ZCCHC24: variants seen among roughly 807,000 people sequenced by gnomAD.
ZCCHC24 encodes zinc finger CCHC domain-containing protein 24.
In ZCCHC24, 10 loss-of-function variants were observed where a neutral mutation model predicts 26.2. The observed-to-expected ratio is 0.38, with a 90% CI of 0.24 to 0.65. The LOEUF is 0.65. Ranked by LOEUF, ZCCHC24 falls within the 30% of genes least tolerant of loss-of-function variation. ZCCHC24 has a pLI of 0.54. For missense variants in ZCCHC24, 243 were observed against 329.1 expected (o/e 0.74, Z 2.03); for synonymous variants, 144 against 147.1 (o/e 0.98, Z 0.15).
At chr10:79,420,990 C>T (rs944681323) in intron 2 of ZCCHC24, among the ~76,000 whole-genome samples, 8 of 152,160 alleles carry the variant, frequency 5.3e-5, no homozygotes, top group African/African-American at 1.9e-4. Context: ...CCCAAAGGCA[C>T]ATAGCACTGC....
intron 2 of ZCCHC24, among the ~76,000 whole-genome samples, chr10:79,419,009 AG>A (rs376888030): frequency 2.0e-5 from 3 of 152,190 alleles, no homozygotes; most frequent in African/African-American, 7.2e-5. Flanking sequence ...GAGAAGCCCA[AG>A]GGGTGTGTGC....
chr10:79,437,280 T>G (rs969038620), intron 1 of ZCCHC24, among the ~76,000 whole-genome samples: 8 of 152,168 alleles, frequency 5.3e-5, no homozygotes, highest in African/African-American at 1.9e-4. Flanking sequence ...CTCAAACTCC[T>G]GGGCTCAAGG....
At chr10:79,406,049 A>C (rs1027760905) in intron 2 of ZCCHC24, among the ~76,000 whole-genome samples, 1 of 152,230 alleles carries the variant, frequency 6.6e-6, no homozygotes, top group Non-Finnish European at 1.5e-5. Context: ...TGGAGCTCAC[A>C]GCACTTAGGA....
intron 2 of ZCCHC24, among the ~76,000 whole-genome samples, chr10:79,424,120 G>C (rs12355029): frequency 0.51 from 77,021 of 151,906 alleles, 19,636 homozygotes; most frequent in South Asian, 0.56. Flanking sequence ...TACTCCAGGA[G>C]AAGGCAGCCC....
At chr10:79,394,602 A>G (rs1215844938) in intron 2 of ZCCHC24, 162 bp from the exon 3 acceptor site, 1 of 985,374 alleles carries the variant, frequency 1.0e-6, no homozygotes, top group Non-Finnish European at 1.2e-6. Context: ...CCCAGAGCAC[A>G]GACGGGAATC....
At chr10:79,422,523 T>TC (rs911404355) in intron 2 of ZCCHC24, among the ~76,000 whole-genome samples, 3 of 152,184 alleles carry the variant, frequency 2.0e-5, no homozygotes, top group African/African-American at 7.2e-5. Context: ...TCCTGCCCTT[T>TC]CCCCAGCAAG....
Position 79,441,116 on chromosome 10 carries a change from A to ACACACACC in ZCCHC24, c.246+4078_246+4079insGGTGTGTG, listed in dbSNP as rs377457574. On this transcript the variant is annotated intron_variant, in intron 1 of 3. Transcript: ENST00000372336. ...CACACACACACACACACACACACACACCACAAAGGCTGCTGGGAACCCACC... is the reference window on the plus strand; with the variant it reads ...CACACACACACACACACACACACACACACACACCCCACAAAGGCTGCTGGGAACCCACC... 3.3e-3 allele frequency among the ~76,000 whole-genome samples: 494 copies of ACACACACC among 148,888 alleles called. 3 individuals carry two copies. Among genetic ancestry groups the ACACACACC allele is most frequent in the African/African-American group, 0.012 (474 of 40,326 alleles).
intron 3 of ZCCHC24, among the ~76,000 whole-genome samples, 166 bp from the exon 4 acceptor site, chr10:79,386,624 A>T (rs1275239130): frequency 6.6e-6 from 1 of 152,104 alleles, no homozygotes; most frequent in Non-Finnish European, 1.5e-5. Context: ...TGACAGACAC[A>T]GTGAGGGAGA....
chr10:79,390,824 G>C (rs1782911598), intron 3 of ZCCHC24, among the ~76,000 whole-genome samples: 1 of 152,200 alleles, frequency 6.6e-6, no homozygotes, highest in South Asian at 2.1e-4. Context: ...GGCCAGGAGA[G>C]TGGGGAAGTG....
At chr10:79,389,047 C>T (rs1317572367) in intron 3 of ZCCHC24, among the ~76,000 whole-genome samples, 1 of 152,188 alleles carries the variant, frequency 6.6e-6, no homozygotes, top group Admixed American at 6.5e-5. Context: ...GTGACCAGTG[C>T]CCACCCCAGA....
intron 3 of ZCCHC24, among the ~76,000 whole-genome samples, chr10:79,388,254 A>C (rs1347385217): frequency 6.6e-6 from 1 of 152,126 alleles, no homozygotes; most frequent in Non-Finnish European, 1.5e-5. Flanking sequence ...CGTTTGTCTT[A>C]TCGGTGGGAG....
At position 79,384,416 on chromosome 10, in the gene ZCCHC24, G is replaced by C. The variant is rs545875386; in HGVS notation, c.*1929C>G. 6.6e-6 allele frequency: 1 copy of C among 152,568 alleles called. No homozygotes were observed. Among genetic ancestry groups the C allele is most frequent in the East Asian group, 1.9e-4 (1 of 5,310 alleles). 9.5% of individuals were successfully genotyped at this position (152,568 alleles called of 1,614,324 possible). On this transcript the variant is annotated 3_prime_UTR_variant, in exon 4 of 4. Transcript: ENST00000372336. Reference sequence around the variant, plus strand: ...ATTCTCTTTAGCAGTGCGGTAGGATGACTGTCAGTGGCAGCTTCTCCTTGG... The same window carrying C: ...ATTCTCTTTAGCAGTGCGGTAGGATCACTGTCAGTGGCAGCTTCTCCTTGG...
At chr10:79,416,016 C>T (rs901311512) in intron 2 of ZCCHC24, among the ~76,000 whole-genome samples, 13 of 152,206 alleles carry the variant, frequency 8.5e-5, no homozygotes, top group African/African-American at 3.1e-4. Flanking sequence ...AGCCTGAGGA[C>T]CCGGGCTGCG....
chr10:79,445,504 G>A lies in ZCCHC24; in HGVS notation c.-64C>T, dbSNP rs1857354917. The A allele has an allele frequency of 1.6e-6, 2 of 1,265,222 alleles. No homozygotes were observed. Among genetic ancestry groups the A allele is most frequent in the Non-Finnish European group, 1.0e-6 (1 of 1,000,954 alleles). 78.4% of individuals were successfully genotyped at this position (1,265,222 alleles called of 1,614,324 possible). ...TCGCGGCCCCCCTCCGCAGCGGAGG[G>A]GCGGGCACCGGGGAGCCTGTGCCCA... On this transcript the variant is annotated 5_prime_UTR_variant, in exon 1 of 4. Coordinates refer to ENST00000372336, the MANE Select transcript of ZCCHC24 (RefSeq NM_153367.4).
At chr10:79,405,929 C>T (rs1371189001) in intron 2 of ZCCHC24, among the ~76,000 whole-genome samples, 2 of 152,244 alleles carry the variant, frequency 1.3e-5, no homozygotes, top group Non-Finnish European at 2.9e-5. Context: ...AGGCTGTGGG[C>T]GTGACTTCCA....
chr10:79,426,458 G>A (rs1004751251), intron 2 of ZCCHC24, among the ~76,000 whole-genome samples: 15 of 152,256 alleles, frequency 9.9e-5, no homozygotes, highest in Admixed American at 5.9e-4. Context: ...TAAACAATAC[G>A]TCCAAGCACT....
intron 2 of ZCCHC24, among the ~76,000 whole-genome samples, chr10:79,419,120 G>T (rs778363457): frequency 6.6e-6 from 1 of 152,172 alleles, no homozygotes; most frequent in Non-Finnish European, 1.5e-5. Flanking sequence ...GGGCTCCGGT[G>T]GGTGTTGCTT....
rs1272396405 is a variant in ZCCHC24, at chr10:79,432,729, G to A, written c.276C>T (p.Ala92=). The change falls in exon 2 of 4, where the codon GCC becomes GCT. Residue 92 remains alanine (A), a synonymous_variant. Transcript: ENST00000372336. ...TGTTGTTGAGGGAGCCATAGGGTGAGGCGCCCTTGTACACACTGTTGCTCA... is the reference window on the plus strand; with the variant it reads ...TGTTGTTGAGGGAGCCATAGGGTGAAGCGCCCTTGTACACACTGTTGCTCA... The part of the protein sequence containing the change: ...EALSNSVYKG[A]SPYGSLNNIA... 1 of 1,610,168 alleles carries A rather than the reference G, an allele frequency of 6.2e-7. No individual in the cohort carries two copies. The highest frequency in any genetic ancestry group is 8.5e-7 in the Non-Finnish European group (1 of 1,178,666).
At chr10:79,419,314 G>A (rs1176897903) in intron 2 of ZCCHC24, among the ~76,000 whole-genome samples, 2 of 152,176 alleles carry the variant, frequency 1.3e-5, no homozygotes, top group African/African-American at 4.8e-5. Context: ...TGCATTAGAC[G>A]CTTTCCACAC....
Sources: allele counts gnomAD v4.1 joint callset (sites outside exome capture counted in the v4.1 genomes callset), GRCh38; gene constraint gnomAD v4.1.1; transcripts MANE v1.5; gene names NCBI Gene and HGNC (gene_info 2026-07-23, HGNC 2026-07-21).